The following ITGA2 variants were observed in gnomAD, a reference collection of about 807,000 sequenced individuals.
ITGA2 encodes integrin alpha-2.
Under a neutral mutation model 146.3 loss-of-function variants are expected in ITGA2, and 101 were observed. That is an observed-to-expected ratio of 0.69 (90% CI 0.59 to 0.81). ITGA2 has a LOEUF of 0.81. Among genes scored for constraint, ITGA2 ranks in the 40% least tolerant of loss-of-function variants. ITGA2 has a pLI of 0.00. For missense variants in ITGA2, 1,281 were observed against 1,402.7 expected (o/e 0.91, Z 1.39); for synonymous variants, 477 against 487.1 (o/e 0.98, Z 0.27).
intron 2 of ITGA2, among the ~76,000 whole-genome samples, chr5:53,033,073 G>C (rs1743310684): frequency 6.6e-6 from 1 of 152,196 alleles, no homozygotes; most frequent in South Asian, 2.1e-4. Context: ...TTCGAGACCA[G>C]TCTGGCTAAC....
chr5:53,088,685 C>CAAA (rs5867861), intron 28 of ITGA2, among the ~76,000 whole-genome samples: 52 of 105,832 alleles, frequency 4.9e-4, no homozygotes, highest in African/African-American at 8.2e-4. Context: ...GACTCTGTCT[C>CAAA]AAAAAAAAAA....
In ITGA2 at chr5:53,090,646, G is replaced by C; in HGVS notation, c.*47G>C. 1 of 1,445,622 alleles carries C rather than the reference G, an allele frequency of 6.9e-7. No homozygotes were observed. Among genetic ancestry groups the C allele is most frequent in the South Asian group, 1.1e-5 (1 of 87,714 alleles). 89.5% of individuals were successfully genotyped at this position (1,445,622 alleles called of 1,614,324 possible). A position where few individuals can be genotyped will look rare whatever the true frequency, so the allele number is the denominator to read the frequency against. On this transcript the variant is annotated 3_prime_UTR_variant, in exon 30 of 30. Transcript: ENST00000296585. ...GGGAACCGGCAGCATCCCAGCCAGG[G>C]TTTGCTGTTTGCGTGAATGGATTTC...
In ITGA2 at chr5:53,090,050, A is replaced by G; in HGVS notation, c.3453A>G (p.Ala1151=). 1 of 1,592,834 alleles carries G rather than the reference A, an allele frequency of 6.3e-7. No individual in the cohort carries two copies. Among genetic ancestry groups the G allele is most frequent in the South Asian group, 1.1e-5 (1 of 90,668 alleles). ...TCCTTTTGCTGTTAGCTCTGGTTGC[A>G]ATTTTATGGAAGGTAAGAAAAGCTT... The part of the protein sequence containing the change: ...AGILLLLALV[A]ILWKLGFFKR... The change falls in exon 29 of 30, where the codon GCA becomes GCG. Residue 1151 remains alanine, a synonymous_variant. Coordinates refer to ENST00000296585, the MANE Select transcript of ITGA2 (RefSeq NM_002203.4).
intron 1 of ITGA2, among the ~76,000 whole-genome samples, chr5:53,019,120 T>C: frequency 6.6e-6 from 1 of 152,112 alleles, no homozygotes; most frequent in Non-Finnish European, 1.5e-5. Flanking sequence ...AAACATTTTG[T>C]TTTTTAAATG....
intron 7 of ITGA2, 83 bp from the exon 8 acceptor site, chr5:53,055,455 T>G: frequency 8.0e-7 from 1 of 1,256,346 alleles, no homozygotes; most frequent in Non-Finnish European, 1.2e-6. Context: ...GAAGCTAGTT[T>G]CATGTTTCTA....
rs1244865260 is a variant in ITGA2, at chr5:53,055,517, ATTTAAT to A, written c.780-16_780-11del. On this transcript the variant is annotated splice_polypyrimidine_tract_variant and intron_variant, in intron 7 of 29. Coordinates refer to ENST00000296585, the MANE Select transcript of ITGA2 (RefSeq NM_002203.4). Reference sequence around the variant, plus strand: ...CTTCATATTTTGATAGCAAGTCTTTATTTAATTTTATCTGCCACAGAAAATATGCTT... The same window carrying A: ...CTTCATATTTTGATAGCAAGTCTTTATTTATCTGCCACAGAAAATATGCTT... 1 of 1,611,324 alleles carries A rather than the reference ATTTAAT, an allele frequency of 6.2e-7. No homozygotes were observed. The highest frequency in any genetic ancestry group is 2.2e-5 in the East Asian group (1 of 44,760).
chr5:53,075,190 TTAAG>T (rs1330838092), intron 22 of ITGA2, 27 bp from the exon 23 acceptor site: 2 of 1,608,276 alleles, frequency 1.2e-6, no homozygotes, highest in African/African-American at 2.7e-5. Flanking sequence ...GTATTTCTCT[TTAAG>T]TAATTTCCTA....
intron 2 of ITGA2, among the ~76,000 whole-genome samples, chr5:53,041,314 C>G (rs3212433): frequency 6.6e-6 from 1 of 151,890 alleles, no homozygotes; most frequent in East Asian, 1.9e-4. Context: ...TGAAACTAAC[C>G]GAAGGAAGGA....
At chr5:53,052,048 C>CT (rs1465784999) in intron 7 of ITGA2, among the ~76,000 whole-genome samples, 1 of 152,048 alleles carries the variant, frequency 6.6e-6, no homozygotes, top group Non-Finnish European at 1.5e-5. Context: ...CTCAATTTCT[C>CT]TATTTTCTCA....
chr5:53,053,773 G>C (rs1374290498), intron 7 of ITGA2, among the ~76,000 whole-genome samples: 1 of 151,902 alleles, frequency 6.6e-6, no homozygotes, highest in Non-Finnish European at 1.5e-5. Context: ...CTCTCTCTCT[G>C]TCTGTCTCTC....
intron 1 of ITGA2, among the ~76,000 whole-genome samples, chr5:52,996,241 T>C (rs559822281): frequency 2.6e-5 from 4 of 152,324 alleles, no homozygotes; most frequent in South Asian, 2.1e-4. Flanking sequence ...CTGTTACTTA[T>C]GGTGCTGCAT....
At chr5:53,059,285 C>G (rs1744794026) in intron 10 of ITGA2, among the ~76,000 whole-genome samples, 2 of 151,942 alleles carry the variant, frequency 1.3e-5, no homozygotes, top group South Asian at 4.2e-4. Context: ...CTAAAGTTGC[C>G]TCTTGTAGCT....
rs1427197668 is a variant in ITGA2, at chr5:53,045,066, AG to A, written c.363del (p.Asn122ThrfsTer52). ...CATGAGCCTCGGCTTGATCCTCACC[AG>A]GAACATGGGAACTGGAGGTTTTCTC... ...TNMSLGLILT[R>X]NMGTGGFLTC... On this transcript the variant is annotated frameshift_variant, in exon 4 of 30. Coordinates refer to ENST00000296585, the MANE Select transcript of ITGA2 (RefSeq NM_002203.4). LOFTEE classifies it high-confidence loss of function. 6 of 1,613,762 alleles carry A rather than the reference AG, an allele frequency of 3.7e-6. No individual in the cohort carries two copies. Among genetic ancestry groups the A allele is most frequent in the Non-Finnish European group, 5.1e-6 (6 of 1,179,792 alleles).
chr5:53,090,446 C>G, intron 29 of ITGA2, 73 bp from the exon 30 acceptor site: 2 of 1,275,422 alleles, frequency 1.6e-6, no homozygotes, highest in Admixed American at 3.4e-5. Flanking sequence ...AGGACGTGGG[C>G]AGCCAAGGGG....
chr5:53,013,621 G>GT (rs886186909), intron 1 of ITGA2, among the ~76,000 whole-genome samples: 3 of 151,888 alleles, frequency 2.0e-5, no homozygotes, highest in African/African-American at 7.3e-5. Flanking sequence ...ATTAGAATTA[G>GT]TTTTTTCTAA....
chr5:53,090,302 C>T (rs370776909), intron 29 of ITGA2, among the ~76,000 whole-genome samples: 8 of 152,120 alleles, frequency 5.3e-5, no homozygotes, highest in African/African-American at 1.4e-4. Flanking sequence ...AATAAGTAGA[C>T]GCTGAAAAAT....
intron 15 of ITGA2, 149 bp from the exon 16 acceptor site, chr5:53,066,969 C>A: frequency 4.1e-6 from 3 of 739,156 alleles, no homozygotes; most frequent in Non-Finnish European, 6.7e-6. Context: ...CATCTTAGAG[C>A]TTTCAAATAT....
rs2111977561 is a variant in ITGA2 at position 53,065,888 on chromosome 5, T to C, written c.1854T>C (p.Phe618=). The C allele has an allele frequency of 1.9e-6, 3 of 1,612,156 alleles. No individual in the cohort carries two copies. The highest frequency in any genetic ancestry group is 1.7e-6 in the Non-Finnish European group (2 of 1,178,770). Residue 618 remains phenylalanine, a synonymous_variant, in exon 15 of 30, where the codon TTT becomes TTC. Transcript: ENST00000296585. ...DGAFRSHLQY[F]GRSLDGYGDL... is the part of the protein sequence containing the mutation. ...CCTTTAGGAGCCATCTCCAGTACTT[T>C]GGGAGGTCCTTGGATGGCTATGGAG... is the stretch of plus-strand genomic sequence containing the variant.
intron 1 of ITGA2, among the ~76,000 whole-genome samples, chr5:53,007,644 C>T (rs575409325): frequency 5.3e-4 from 80 of 152,276 alleles, no homozygotes; most frequent in African/African-American, 1.7e-3. Context: ...CTGTATTTCA[C>T]TGTCTTCCTC....
Sources: gnomAD v4.1 joint callset for allele counts (sites outside exome capture counted in the v4.1 genomes callset) on GRCh38, gnomAD v4.1.1 for gene constraint, MANE v1.5 for transcripts, NCBI Gene and HGNC (gene_info 2026-07-23, HGNC 2026-07-21) for gene names.